The following VPS50 variants were observed in gnomAD, a reference collection of about 807,000 sequenced individuals.
The protein encoded by VPS50 is syndetin.
In VPS50, 70 loss-of-function variants were observed where a neutral mutation model predicts 139.7. The ratio of observed to expected loss-of-function variants is 0.50; its 90% CI spans 0.41 to 0.61. The LOEUF (loss-of-function observed/expected upper bound fraction) is 0.61. VPS50 is among the 20% of genes least tolerant of loss of function. The pLI is 0.00. For missense variants in VPS50, 921 were observed against 1,133.7 expected (o/e 0.81, Z 2.69); for synonymous variants, 365 against 376.7 (o/e 0.97, Z 0.36).
chr7:93,354,212 C>T (rs1222805460), intron 26 of VPS50, among the ~76,000 whole-genome samples: 3 of 152,020 alleles, frequency 2.0e-5, no homozygotes, highest in Non-Finnish European at 4.4e-5. Context: ...AAAACCGAGA[C>T]TTAAAGAGGT....
intron 12 of VPS50, among the ~76,000 whole-genome samples, chr7:93,288,220 G>T (rs1235103843): frequency 6.6e-6 from 1 of 152,062 alleles, no homozygotes; most frequent in African/African-American, 2.4e-5. Flanking sequence ...TTTGGGTGGG[G>T]ACAGACACAA....
At chr7:93,306,107 C>T in intron 18 of VPS50, 103 bp downstream of exon 18, 1 of 764,736 alleles carries the variant, frequency 1.3e-6, no homozygotes, top group Non-Finnish European at 2.2e-6. Flanking sequence ...TTACTACCAC[C>T]CTGCCTGCCT....
chr7:93,232,559 A>G lies in VPS50; in HGVS notation c.33+59A>G, dbSNP rs1002665331. 8.3e-6 allele frequency: 12 copies of G among 1,443,902 alleles called. No homozygotes were observed. In the African/African-American group the frequency reaches 9.8e-5, roughly 12 times the overall value. The allele number at this position is 1,443,902 out of a possible 1,614,324, so 89.4% of individuals were successfully genotyped here. A position where few individuals can be genotyped will look rare whatever the true frequency, so the allele number is the denominator to read the frequency against. ...CATCTCGGAAGTGAGAGGAGCCGAG[A>G]TGTTCTGTCCCCAACCAGTGGCGGG... On this transcript the variant is annotated intron_variant, in intron 1 of 27. Coordinates refer to ENST00000305866, the MANE Select transcript of VPS50 (RefSeq NM_017667.4).
chr7:93,253,716 G>A, intron 3 of VPS50, 144 bp from the exon 4 acceptor site: 1 of 528,482 alleles, frequency 1.9e-6, no homozygotes. Context: ...GGGAGGTTGG[G>A]AGGACAGGTG....
intron 9 of VPS50, among the ~76,000 whole-genome samples, chr7:93,264,386 A>G (rs1795777346): frequency 6.6e-6 from 1 of 152,230 alleles, no homozygotes; most frequent in Admixed American, 6.5e-5. Context: ...GAAGTACTTA[A>G]TTTCTTTTTC....
intron 9 of VPS50, among the ~76,000 whole-genome samples, chr7:93,261,677 C>CAAAAAAAA (rs71107890): frequency 4.8e-5 from 3 of 62,184 alleles, no homozygotes; most frequent in Non-Finnish European, 6.2e-5. Context: ...GACTCCGTCT[C>CAAAAAAAA]AAAAAAAAAA....
chr7:93,347,578 A>G (rs1006582337), intron 23 of VPS50, among the ~76,000 whole-genome samples: 1 of 134,344 alleles, frequency 7.4e-6, no homozygotes, highest in East Asian at 2.3e-4. Context: ...AACCAACCCA[A>G]ATGTCCAACA....
intron 14 of VPS50, among the ~76,000 whole-genome samples, chr7:93,295,050 T>G (rs1796768277): frequency 6.6e-6 from 1 of 152,240 alleles, no homozygotes; most frequent in African/African-American, 2.4e-5. Context: ...TAGTTTAGAA[T>G]GAATAATTCT....
At chr7:93,240,482 A>G (rs1449122647) in intron 2 of VPS50, among the ~76,000 whole-genome samples, 1 of 152,104 alleles carries the variant, frequency 6.6e-6, no homozygotes, top group African/African-American at 2.4e-5. Flanking sequence ...TCTGATATTC[A>G]CGTGAATTTC....
chr7:93,326,460 AAAAT>A lies in VPS50; in HGVS notation c.1977+2732_1977+2735del, dbSNP rs979368020. Among the ~76,000 whole-genome samples the A allele has an allele frequency of 1.4e-4, 17 of 122,806 alleles. 1 individual carries two copies. The highest frequency in any genetic ancestry group is 9.0e-4 in the Admixed American group (12 of 13,384). The allele number at this position is 122,806 out of a possible 152,430, so 80.6% of individuals were successfully genotyped here. On this transcript the variant is annotated intron_variant, in intron 21 of 27. Transcript: ENST00000305866. ...CTTAAAGTATAATAATAATAAAAAA[AAAAT>A]AAAATAAAATAAAATAATACAGTAT...
intron 21 of VPS50, among the ~76,000 whole-genome samples, chr7:93,331,496 T>C (rs1797940130): frequency 1.3e-5 from 2 of 151,966 alleles, no homozygotes; most frequent in South Asian, 4.1e-4. Context: ...GAGAAAATAG[T>C]TTTTTTAGCA....
At chr7:93,350,907 T>C (rs193146216) in intron 25 of VPS50, among the ~76,000 whole-genome samples, 2 of 152,254 alleles carry the variant, frequency 1.3e-5, no homozygotes, top group Admixed American at 1.3e-4. Flanking sequence ...GAAAAGAAAA[T>C]TGTCCCTTCT....
At chr7:93,241,872 G>C (rs1432840519) in intron 2 of VPS50, among the ~76,000 whole-genome samples, 1 of 151,770 alleles carries the variant, frequency 6.6e-6, no homozygotes, top group Non-Finnish European at 1.5e-5. Context: ...TTGTATAATT[G>C]CTTTGAAATT....
chr7:93,234,601 T>C (rs866023575), intron 1 of VPS50, among the ~76,000 whole-genome samples: 6 of 152,210 alleles, frequency 3.9e-5, no homozygotes, highest in African/African-American at 1.4e-4. Context: ...ACATTGAGGG[T>C]TTGAATTAGT....
chr7:93,233,770 G>T (rs1161334384), intron 1 of VPS50, among the ~76,000 whole-genome samples: 1 of 152,136 alleles, frequency 6.6e-6, no homozygotes, highest in Non-Finnish European at 1.5e-5. Context: ...GTGACTTTCG[G>T]CAAGTTACAT....
At chr7:93,275,904 G>C (rs188290977) in intron 11 of VPS50, 3 of 390,944 alleles carry the variant, frequency 7.7e-6, no homozygotes, top group Admixed American at 7.6e-5. Flanking sequence ...AGAGCAAGAT[G>C]AATACCAGTT....
chr7:93,238,895 G>A (rs1202313036), intron 1 of VPS50, among the ~76,000 whole-genome samples: 2 of 152,062 alleles, frequency 1.3e-5, no homozygotes, highest in African/African-American at 4.8e-5. Context: ...GATATTCTGG[G>A]GGTAATGGAA....
intron 2 of VPS50, among the ~76,000 whole-genome samples, chr7:93,249,900 G>T (rs890750372): frequency 6.6e-6 from 1 of 152,126 alleles, no homozygotes; most frequent in South Asian, 2.1e-4. Context: ...CCTTCCACAC[G>T]TGTGAGTTTT....
intron 13 of VPS50, among the ~76,000 whole-genome samples, chr7:93,292,962 G>A (rs925118415): frequency 2.0e-5 from 3 of 152,216 alleles, no homozygotes; most frequent in Admixed American, 6.5e-5. Context: ...TGAGCTCTGC[G>A]ATCTGAGAGG....
Sources: gnomAD v4.1 joint callset for allele counts (sites outside exome capture counted in the v4.1 genomes callset) on GRCh38, gnomAD v4.1.1 for gene constraint, MANE v1.5 for transcripts, NCBI Gene and HGNC (gene_info 2026-07-23, HGNC 2026-07-21) for gene names.